The following CNTNAP2 variants were observed in gnomAD, a reference collection of about 807,000 sequenced individuals.
CNTNAP2 encodes the protein contactin associated protein 2, also known as contactin-associated protein-like 2.
CNTNAP2 carries 98 observed loss-of-function variants against 155.2 expected under a neutral mutation model. That is an observed-to-expected ratio of 0.63 (90% CI 0.54 to 0.75). The LOEUF (loss-of-function observed/expected upper bound fraction) is 0.75. Among genes scored for constraint, CNTNAP2 ranks in the 30% least tolerant of loss-of-function variants. CNTNAP2 has a pLI of 0.00. For synonymous variants in CNTNAP2, 651 were observed against 631.2 expected (o/e 1.03, Z -0.47); for missense variants, 1,727 against 1,688.1 (o/e 1.02, Z -0.40).
chr7:146,813,687 T>C (rs1803111107), intron 2 of CNTNAP2, among the ~76,000 whole-genome samples: 1 of 152,118 alleles, frequency 6.6e-6, no homozygotes, highest in Non-Finnish European at 1.5e-5. Flanking sequence ...AATGGATGAT[T>C]GTGTTTCGAA....
intron 17 of CNTNAP2, among the ~76,000 whole-genome samples, chr7:148,165,871 C>T (rs766540980): frequency 1.9e-4 from 29 of 152,164 alleles, no homozygotes; most frequent in African/African-American, 4.6e-4. Flanking sequence ...GCTTTCCTGA[C>T]GCCTTTCACT....
At chr7:146,963,548 A>T (rs531015274) in intron 3 of CNTNAP2, among the ~76,000 whole-genome samples, 258 of 152,232 alleles carry the variant, frequency 1.7e-3, no homozygotes, top group Middle Eastern at 6.8e-3. Context: ...ATTCCCTTGT[A>T]ACCTGCTTAT....
intron 4 of CNTNAP2, among the ~76,000 whole-genome samples, chr7:147,057,955 A>C (rs187214762): frequency 3.3e-4 from 50 of 152,264 alleles, no homozygotes; most frequent in Middle Eastern, 3.4e-3. Context: ...TAAAAATACT[A>C]TTATGTCACC....
chr7:146,940,184 C>T (rs1384342228), intron 3 of CNTNAP2, among the ~76,000 whole-genome samples: 1 of 151,596 alleles, frequency 6.6e-6, no homozygotes, highest in Non-Finnish European at 1.5e-5. Flanking sequence ...TATTTTGGTC[C>T]CTTTCTTTTT....
intron 22 of CNTNAP2, among the ~76,000 whole-genome samples, chr7:148,390,218 C>T (rs1799315824): frequency 6.6e-6 from 1 of 152,202 alleles, no homozygotes; most frequent in Admixed American, 6.5e-5. Flanking sequence ...TAAGGAAGCT[C>T]ACTCAGAGGA....
chr7:147,817,904 CAA>C (rs56695268), intron 13 of CNTNAP2, among the ~76,000 whole-genome samples: 117 of 95,504 alleles, frequency 1.2e-3, no homozygotes, highest in Middle Eastern at 5.5e-3. Context: ...GACTCTGTCT[CAA>C]AAAAAAAAAA....
intron 12 of CNTNAP2, among the ~76,000 whole-genome samples, chr7:147,585,744 A>AGT (rs1160893737): frequency 6.8e-6 from 1 of 146,322 alleles, no homozygotes; most frequent in African/African-American, 2.6e-5. Context: ...CCTCTCTAAA[A>AGT]GTGTGTGTGT....
At position 148,266,440 on chromosome 7, in the gene CNTNAP2, C is replaced by T. The variant is rs564650142; in HGVS notation, c.3382-593C>T. The stretch of plus-strand genomic sequence containing the variant: ...GGGCAACAGGATCAGAAACGTGCGT[C>T]GCTTCCGTGGTTACTGTCTGTGCAC... On this transcript the variant is annotated intron_variant, in intron 20 of 23. Transcript: ENST00000361727. Among the ~76,000 whole-genome samples the T allele has an allele frequency of 2.6e-5, 4 of 152,268 alleles. No individual in the cohort carries two copies. The East Asian group carries it at 7.8e-4, about 30-fold the overall frequency.
At chr7:146,395,995 A>G (rs1454877577) in intron 1 of CNTNAP2, among the ~76,000 whole-genome samples, 3 of 152,052 alleles carry the variant, frequency 2.0e-5, no homozygotes, top group Non-Finnish European at 4.4e-5. Flanking sequence ...ACTGTCACAA[A>G]TTTCAGATAA....
chr7:147,220,341 G>A (rs184434625), intron 8 of CNTNAP2, among the ~76,000 whole-genome samples: 204 of 151,668 alleles, frequency 1.3e-3, no homozygotes, highest in African/African-American at 4.8e-3. Flanking sequence ...TTCTCCATCC[G>A]TTTACTTTTA....
At chr7:146,721,479 TATTCTATATAC>T (rs1801312242) in intron 1 of CNTNAP2, among the ~76,000 whole-genome samples, 2 of 128,384 alleles carry the variant, frequency 1.6e-5, no homozygotes, top group East Asian at 2.3e-4. Context: ...ATTCTATATA[TATTCTATATAC>T]ATTCTATATA....
chr7:146,992,724 C>T (rs1472790401), intron 3 of CNTNAP2, among the ~76,000 whole-genome samples: 1 of 151,918 alleles, frequency 6.6e-6, no homozygotes, highest in Non-Finnish European at 1.5e-5. Context: ...TTTCTAGAAC[C>T]AACTATCTAA....
chr7:146,702,917 A>C (rs1358176162), intron 1 of CNTNAP2, among the ~76,000 whole-genome samples: 2 of 152,176 alleles, frequency 1.3e-5, no homozygotes, highest in Admixed American at 1.3e-4. Context: ...ATGCATTGAC[A>C]ACAATGGTAG....
chr7:147,862,718 C>T (rs79034112), intron 13 of CNTNAP2, among the ~76,000 whole-genome samples: 13,626 of 151,786 alleles, frequency 0.09, 704 homozygotes, highest in Non-Finnish European at 0.11. Context: ...TATTTGTTAC[C>T]AAAATGATAA....
At chr7:147,047,062 CTGGTG>C (rs1799375658) in intron 4 of CNTNAP2, among the ~76,000 whole-genome samples, 1 of 134,688 alleles carries the variant, frequency 7.4e-6, no homozygotes. Context: ...TGTAGCCATT[CTGGTG>C]AGTGTTTGTC....
chr7:147,701,436 A>G (rs1161751594), intron 13 of CNTNAP2, among the ~76,000 whole-genome samples: 2 of 152,208 alleles, frequency 1.3e-5, no homozygotes, highest in Non-Finnish European at 2.9e-5. Flanking sequence ...AAAGCCATAA[A>G]AATAAGTCAA....
chr7:147,809,460 C>A (rs1798147175), intron 13 of CNTNAP2, among the ~76,000 whole-genome samples: 1 of 152,080 alleles, frequency 6.6e-6, no homozygotes, highest in Non-Finnish European at 1.5e-5. Flanking sequence ...AACAACTTGC[C>A]CAAGCCCTCT....
intron 13 of CNTNAP2, among the ~76,000 whole-genome samples, chr7:147,686,421 A>G (rs1279610106): frequency 6.6e-6 from 1 of 152,114 alleles, no homozygotes; most frequent in African/African-American, 2.4e-5. Context: ...GTACTACTCA[A>G]TCTATTGAGT....
chr7:146,831,291 C>T (rs1803505085), intron 2 of CNTNAP2, among the ~76,000 whole-genome samples: 1 of 151,894 alleles, frequency 6.6e-6, no homozygotes, highest in African/African-American at 2.4e-5. Context: ...CTTTTTTTGG[C>T]AGCTCCTTTA....
Sources: gnomAD v4.1 joint callset for allele counts (sites outside exome capture counted in the v4.1 genomes callset) on GRCh38, gnomAD v4.1.1 for gene constraint, MANE v1.5 for transcripts, NCBI Gene and HGNC (gene_info 2026-07-23, HGNC 2026-07-21) for gene names.